ATP8B1: variants seen among roughly 807,000 people sequenced by gnomAD.
ATP8B1 encodes ATPase phospholipid transporting 8B1, also known as phospholipid-transporting ATPase IC.
Under a neutral mutation model 149.9 loss-of-function variants are expected in ATP8B1, and 80 were observed. That is an observed-to-expected ratio of 0.53 (90% CI 0.45 to 0.64). ATP8B1 has a LOEUF of 0.64. Ranked by LOEUF, ATP8B1 falls within the 30% of genes least tolerant of loss-of-function variation. ATP8B1 has a pLI of 0.00. For synonymous variants in ATP8B1, 536 were observed against 562.8 expected (o/e 0.95, Z 0.67); for missense variants, 1,247 against 1,552.6 (o/e 0.80, Z 3.31).
chr18:57,739,927 G>A (rs556161171), intron 1 of ATP8B1, among the ~76,000 whole-genome samples: 8 of 152,132 alleles, frequency 5.3e-5, no homozygotes, highest in East Asian at 1.9e-4. Context: ...TAGGAGGCTC[G>A]TTTGTTTCTG....
chr18:57,777,903 G>T (rs116799792), intron 1 of ATP8B1, among the ~76,000 whole-genome samples: 1 of 152,110 alleles, frequency 6.6e-6, no homozygotes, highest in Non-Finnish European at 1.5e-5. Context: ...TGTACCTTTC[G>T]AAGGTTGTAC....
At chr18:57,719,034 A>G (rs319411) in intron 2 of ATP8B1, among the ~76,000 whole-genome samples, 30,955 of 152,158 alleles carry the variant, frequency 0.2, 3,537 homozygotes, top group East Asian at 0.53. Context: ...AATAAACGGC[A>G]TCCAAATTGG....
intron 4 of ATP8B1, among the ~76,000 whole-genome samples, chr18:57,702,524 G>A (rs1042551517): frequency 1.3e-5 from 2 of 152,124 alleles, no homozygotes; most frequent in East Asian, 1.9e-4. Flanking sequence ...AGCTGCCTAC[G>A]GCTATTACTG....
intron 2 of ATP8B1, among the ~76,000 whole-genome samples, chr18:57,729,198 C>A (rs2079736433): frequency 6.6e-6 from 1 of 152,152 alleles, no homozygotes; most frequent in African/African-American, 2.4e-5. Flanking sequence ...TGCAGGCACC[C>A]AATCCCGGTC....
chr18:57,684,404 T>C (rs953483447), intron 14 of ATP8B1, among the ~76,000 whole-genome samples: 1 of 151,472 alleles, frequency 6.6e-6, no homozygotes, highest in Non-Finnish European at 1.5e-5. Flanking sequence ...CATATATGGG[T>C]CTCACTCTGT....
At chr18:57,798,431 A>T (rs2080539850) in intron 1 of ATP8B1, among the ~76,000 whole-genome samples, 1 of 151,688 alleles carries the variant, frequency 6.6e-6, no homozygotes, top group Non-Finnish European at 1.5e-5. Context: ...AAATAGAAAA[A>T]AGAAAAAAAG....
chr18:57,695,169 A>T lies in ATP8B1; in HGVS notation c.940+2T>A. The stretch of plus-strand genomic sequence containing the variant: ...TAATTTCCCAAGAAACTCTGAACGT[A>T]CCTGCAAAAATGACTAAGCCGTGGC... On this transcript the variant is annotated splice_donor_variant, in intron 10 of 27. Coordinates refer to ENST00000648908, the MANE Select transcript of ATP8B1 (RefSeq NM_001374385.1). LOFTEE classifies it high-confidence loss of function. 1 of 1,614,054 alleles carries T rather than the reference A, an allele frequency of 6.2e-7. No homozygotes were observed. The highest frequency in any genetic ancestry group is 8.5e-7 in the Non-Finnish European group (1 of 1,180,006).
At chr18:57,759,213 C>T (rs2080121801) in intron 1 of ATP8B1, among the ~76,000 whole-genome samples, 1 of 149,606 alleles carries the variant, frequency 6.7e-6, no homozygotes, top group Non-Finnish European at 1.5e-5. Context: ...TGGCTTGCTT[C>T]CCTTTCTTTC....
chr18:57,765,746 T>A (rs2080205969), intron 1 of ATP8B1, among the ~76,000 whole-genome samples: 1 of 151,370 alleles, frequency 6.6e-6, no homozygotes, highest in South Asian at 2.1e-4. Flanking sequence ...GGAAGCTGAC[T>A]GGATCATCTG....
chr18:57,706,490 C>T lies in ATP8B1; in HGVS notation c.279G>A (p.Ala93=), dbSNP rs761575295. 44 of 1,611,210 alleles carry T rather than the reference C, an allele frequency of 2.7e-5. No homozygotes were observed. Among genetic ancestry groups the T allele is most frequent in the Non-Finnish European group, 3.4e-5 (40 of 1,177,620 alleles). ...KFLCIKESKY[A]NNAIKTYKYN... is the part of the protein sequence containing the mutation. ...ACAATTCAGAAAGTTAACAACTCACCGCATATTTACTCTCCTTAATACACA... is the reference window on the plus strand; with the variant it reads ...ACAATTCAGAAAGTTAACAACTCACTGCATATTTACTCTCCTTAATACACA... The change falls in exon 3 of 28, where the codon GCG becomes GCA. Residue 93 remains alanine (A), a splice_region_variant and synonymous_variant. Transcript: ENST00000648908.
At chr18:57,668,063 G>A (rs1445816287) in intron 19 of ATP8B1, 2 of 1,289,214 alleles carry the variant, frequency 1.6e-6, no homozygotes, top group East Asian at 5.4e-5. Context: ...TTATTGTTCA[G>A]TACTTTGTAT....
chr18:57,788,131 C>T (rs1171360875), intron 1 of ATP8B1, among the ~76,000 whole-genome samples: 1 of 152,182 alleles, frequency 6.6e-6, no homozygotes, highest in Non-Finnish European at 1.5e-5. Flanking sequence ...ACCTACAAAG[C>T]TTGAAATGAT....
chr18:57,767,289 A>G (rs1323657409), intron 1 of ATP8B1, among the ~76,000 whole-genome samples: 2 of 152,240 alleles, frequency 1.3e-5, no homozygotes, highest in Non-Finnish European at 2.9e-5. Flanking sequence ...TAATTCTCGC[A>G]TCATCTCACA....
intron 1 of ATP8B1, among the ~76,000 whole-genome samples, chr18:57,773,762 T>C (rs2080284119): frequency 6.6e-6 from 1 of 152,080 alleles, no homozygotes; most frequent in Non-Finnish European, 1.5e-5. Context: ...TGCTGGAGTC[T>C]CATCTTCCCT....
chr18:57,651,987 A>T, intron 26 of ATP8B1, 47 bp downstream of exon 26: 2 of 1,582,794 alleles, frequency 1.3e-6, no homozygotes, highest in Non-Finnish European at 1.7e-6. Flanking sequence ...AATCTAAACT[A>T]ATGACATTTG....
At chr18:57,783,050 T>C (rs1314981889) in intron 1 of ATP8B1, among the ~76,000 whole-genome samples, 1 of 152,034 alleles carries the variant, frequency 6.6e-6, no homozygotes, top group Non-Finnish European at 1.5e-5. Context: ...TGAGCTCAAG[T>C]GATCTGCCTG....
chr18:57,756,492 G>A (rs970534840), intron 1 of ATP8B1, among the ~76,000 whole-genome samples: 2 of 151,550 alleles, frequency 1.3e-5, no homozygotes, highest in South Asian at 2.1e-4. Flanking sequence ...GTAGAGACAC[G>A]GTTTTACCAT....
chr18:57,702,542 A>G (rs1913178202), intron 4 of ATP8B1, among the ~76,000 whole-genome samples: 1 of 152,128 alleles, frequency 6.6e-6, no homozygotes, highest in Non-Finnish European at 1.5e-5. Flanking sequence ...CTGTTACCCT[A>G]ATTTGGATTG....
At chr18:57,667,826 CATTT>C (rs1910971760) in intron 19 of ATP8B1, among the ~76,000 whole-genome samples, 1 of 151,966 alleles carries the variant, frequency 6.6e-6, no homozygotes, top group South Asian at 2.1e-4. Context: ...CCCAATTTGG[CATTT>C]ATTTAAGGTC....
Sources: allele counts gnomAD v4.1 joint callset (sites outside exome capture counted in the v4.1 genomes callset), GRCh38; gene constraint gnomAD v4.1.1; transcripts MANE v1.5; gene names NCBI Gene and HGNC (gene_info 2026-07-23, HGNC 2026-07-21).